Variants in ULK1 observed in about 807,000 individuals in gnomAD.
The protein encoded by ULK1 is unc-51 like autophagy activating kinase 1.
A neutral mutation model predicts 117.5 loss-of-function variants in ULK1; 48 were observed. The ratio of observed to expected loss-of-function variants is 0.41; its 90% CI spans 0.32 to 0.52. ULK1 has a LOEUF of 0.52. Ranked by LOEUF, ULK1 falls within the 20% of genes least tolerant of loss-of-function variation. The pLI is 0.29. For missense variants in ULK1, 1,387 were observed against 1,473.4 expected (o/e 0.94, Z 0.96); for synonymous variants, 790 against 637.8 (o/e 1.24, Z -3.60).
chr12:131,897,189 A>G (rs1888907773), intron 3 of ULK1: 2 of 152,262 alleles, frequency 1.3e-5, no homozygotes, highest in Admixed American at 1.3e-4. Context: ...CTGGAGCTGC[A>G]GCTTAGCCTG....
At position 131,895,857 on chromosome 12, in the gene ULK1, C is replaced by T. The variant is rs772420089; in HGVS notation, c.246+33C>T. 5 of 1,613,262 alleles carry T rather than the reference C, an allele frequency of 3.1e-6. No homozygotes were observed. The Admixed American group carries it at 8.3e-5, about 27-fold the overall frequency. ...CTCTGGGCTGCGGTCTGCTGGGGAC[C>T]GGGCTGGGGGACTGTGGCCCCAGGT... On this transcript the variant is annotated intron_variant, in intron 3 of 27. Transcript: ENST00000321867.
chr12:131,895,885 T>A, intron 3 of ULK1, 61 bp downstream of exon 3: 1 of 1,602,220 alleles, frequency 6.2e-7, no homozygotes, highest in Non-Finnish European at 8.5e-7. Flanking sequence ...CCCCAGGTGC[T>A]GGATCCCCTG....
At chr12:131,913,340 C>T (rs1319084197) in intron 14 of ULK1, 82 bp downstream of exon 14, 22 of 1,362,598 alleles carry the variant, frequency 1.6e-5, no homozygotes, top group African/African-American at 4.5e-5. Context: ...TACAATGAGC[C>T]GAGATCGCGC....
Position 131,921,809 on chromosome 12 carries a change from A to G in ULK1, c.*448A>G, listed in dbSNP as rs766865180. On this transcript the variant is annotated 3_prime_UTR_variant, in exon 28 of 28. Transcript: ENST00000321867. ...CTCCAGGAGCCTCTCCCTCCGAGAT[A>G]CCCACCCAGCTTTGTCAATCACCCA... The G allele has an allele frequency of 2.1e-6, 1 of 487,416 alleles. No individual in the cohort carries two copies. Among genetic ancestry groups the G allele is most frequent in the South Asian group, 1.5e-5 (1 of 64,830 alleles). The allele number at this position is 487,416 out of a possible 1,614,324, so 30.2% of individuals were successfully genotyped here. A position where few individuals can be genotyped will look rare whatever the true frequency, so the allele number is the denominator to read the frequency against.
chr12:131,918,728 GTGGGGTGT>G lies in ULK1; in HGVS notation c.2511+48_2511+55del, dbSNP rs1889975867. ...GGTTCCCATTCTGGCTGGAGGGTGT[GTGGGGTGT>G]GTGGGGTGTCGGGTGTGTGGGGTAT... On this transcript the variant is annotated intron_variant, in intron 23 of 27. Coordinates refer to ENST00000321867, the MANE Select transcript of ULK1 (RefSeq NM_003565.4). 9 of 1,273,020 alleles carry G rather than the reference GTGGGGTGT, an allele frequency of 7.1e-6. No individual in the cohort carries two copies. The East Asian group carries it at 3.4e-4, about 48-fold the overall frequency. The allele number at this position is 1,273,020 out of a possible 1,614,324, so 78.9% of individuals were successfully genotyped here. A position where few individuals can be genotyped will look rare whatever the true frequency, so the allele number is the denominator to read the frequency against.
At chr12:131,898,491 C>T (rs1203921452) in intron 3 of ULK1, among the ~76,000 whole-genome samples, 1 of 151,982 alleles carries the variant, frequency 6.6e-6, no homozygotes, top group African/African-American at 2.4e-5. Context: ...AATGACATCT[C>T]TTATGGTTTT....
At chr12:131,914,290 C>T (rs1566123159) in intron 15 of ULK1, 62 bp from the exon 16 acceptor site, 8 of 1,581,934 alleles carry the variant, frequency 5.1e-6, no homozygotes, top group Non-Finnish European at 6.0e-6. Context: ...TGCCCCAGCT[C>T]CATGACCTCA....
At chr12:131,908,130 G>A (rs953033021) in intron 5 of ULK1, among the ~76,000 whole-genome samples, 1 of 152,136 alleles carries the variant, frequency 6.6e-6, no homozygotes, top group African/African-American at 2.4e-5. Context: ...GCTCAGACCC[G>A]CGTCGCCCTC....
intron 26 of ULK1, chr12:131,920,646 G>C (rs1890112128): frequency 1.0e-5 from 2 of 197,116 alleles, no homozygotes; most frequent in Admixed American, 5.3e-5. Context: ...CTAACTCCTG[G>C]GCTGAAATGA....
At chr12:131,918,925 GGT>G (rs1470844171) in intron 23 of ULK1, among the ~76,000 whole-genome samples, 1 of 74,994 alleles carries the variant, frequency 1.3e-5, no homozygotes, top group Non-Finnish European at 3.6e-5. Flanking sequence ...TGGGGTGCAG[GGT>G]GTGTGGGGTG....
rs767735847 is a variant in ULK1, at chr12:131,916,581, C to A, written c.2062C>A (p.Pro688Thr). The change falls in exon 20 of 28, where the codon CCC (proline) becomes ACC (threonine). Residue 688 changes from proline (P) to threonine (T), a missense_variant. This residue lies in a region of ULK1 where 900 missense variants were observed against 858.9 expected (regional missense o/e 1.05). Transcript: ENST00000321867. ...GCGGCCAGGCGAGGACCCCAAGGGC[C>A]CCTTTGGCCGGTGAGTTGAGGGGAC... The part of the protein sequence containing the change: ...GLRPGEDPKG[P>T]FGRSFSTSRL... 6.3e-7 allele frequency: 1 copy of A among 1,578,884 alleles called. No individual in the cohort carries two copies. Among genetic ancestry groups the A allele is most frequent in the Non-Finnish European group, 8.6e-7 (1 of 1,168,704 alleles).
chr12:131,921,220 G>A lies in ULK1; in HGVS notation c.3082G>A (p.Glu1028Lys), dbSNP rs147255549. The stretch of plus-strand genomic sequence containing the variant: ...CATGCTCTCGGACCAGGCCGACATC[G>A]AGAACGTCACCAAGTGTGAGTGCCC... ...QHMLSDQADIENVTKCKLCIE... is the reference protein window; with the variant it reads ...QHMLSDQADIKNVTKCKLCIE... Residue 1028 changes from glutamate to lysine, a missense_variant, in exon 27 of 28, where the codon GAG (glutamate) becomes AAG (lysine). Physicochemically the swap from Glu to Lys is moderately conservative, Grantham distance 56. Coordinates refer to ENST00000321867, the MANE Select transcript of ULK1 (RefSeq NM_003565.4). 1.7e-4 allele frequency: 273 copies of A among 1,607,446 alleles called. 1 individual carries two copies. The highest frequency in any genetic ancestry group is 1.0e-3 in the East Asian group (47 of 44,862).
chr12:131,911,454 C>T (rs950779061), intron 12 of ULK1, among the ~76,000 whole-genome samples: 2 of 152,216 alleles, frequency 1.3e-5, no homozygotes, highest in African/African-American at 4.8e-5. Context: ...ATCCGCAGAC[C>T]TGCCCTGGGG....
chr12:131,919,115 G>A, intron 23 of ULK1, 97 bp from the exon 24 acceptor site: 1 of 1,411,206 alleles, frequency 7.1e-7, no homozygotes, highest in South Asian at 1.4e-5. Context: ...AGGGTACCCT[G>A]CCCTGCCTCC....
Position 131,922,101 on chromosome 12 carries a change from C to G in ULK1, c.*740C>G, listed in dbSNP as rs1399888338. The G allele has an allele frequency of 8.9e-6, 4 of 447,300 alleles. No homozygotes were observed. Among genetic ancestry groups the G allele is most frequent in the South Asian group, 1.6e-5 (1 of 63,894 alleles). 27.7% of individuals were successfully genotyped at this position (447,300 alleles called of 1,614,324 possible). A position where few individuals can be genotyped will look rare whatever the true frequency, so the allele number is the denominator to read the frequency against. ...ACCGGCAGCAGAGGCACCGTGTTCT[C>G]TCAGCCCTGGATACGTCTTGTAATC... On this transcript the variant is annotated 3_prime_UTR_variant, in exon 28 of 28. Transcript: ENST00000321867.
chr12:131,913,092 C>T (rs1321887866), intron 13 of ULK1, 106 bp from the exon 14 acceptor site: 2 of 1,115,776 alleles, frequency 1.8e-6, no homozygotes, highest in African/African-American at 1.6e-5. Flanking sequence ...GCTGAGGCCC[C>T]TGCAAGGTGG....
intron 3 of ULK1, among the ~76,000 whole-genome samples, chr12:131,905,728 C>T (rs895655728): frequency 6.6e-6 from 1 of 152,162 alleles, no homozygotes; most frequent in African/African-American, 2.4e-5. Context: ...GTGATGAGGA[C>T]TCGTCCCTGT....
At chr12:131,897,387 A>AGTCCCGCTGCCCTCC (rs1364995385) in intron 3 of ULK1, 2 of 152,212 alleles carry the variant, frequency 1.3e-5, no homozygotes, top group Admixed American at 1.3e-4. Flanking sequence ...CCCCCGATCG[A>AGTCCCGCTGCCCTCC]GTCCCGCTGC....
chr12:131,910,218 G>A, intron 10 of ULK1, 36 bp from the exon 11 acceptor site: 1 of 1,612,654 alleles, frequency 6.2e-7, no homozygotes, highest in Non-Finnish European at 8.5e-7. Context: ...CAGAGCTGGG[G>A]TCCTCCTGAG....
Sources: gnomAD v4.1 joint callset for allele counts (sites outside exome capture counted in the v4.1 genomes callset) on GRCh38, gnomAD v4.1.1 for gene constraint, gnomAD v4.1.1 regional missense constraint, MANE v1.5 for transcripts, NCBI Gene and HGNC (gene_info 2026-07-23, HGNC 2026-07-21) for gene names.